The following MAGI1 variants were observed in gnomAD, a reference collection of about 807,000 sequenced individuals.
MAGI1 encodes the protein membrane associated guanylate kinase, WW and PDZ domain containing 1.
A neutral mutation model predicts 139.9 loss-of-function variants in MAGI1; 58 were observed. That is an observed-to-expected ratio of 0.41 (90% CI 0.34 to 0.52). MAGI1 has a LOEUF of 0.52. Among genes scored for constraint, MAGI1 ranks in the 20% least tolerant of loss-of-function variants. The pLI is 0.12. For synonymous variants in MAGI1, 812 were observed against 737.9 expected (o/e 1.10, Z -1.63); for missense variants, 1,874 against 1,901.6 (o/e 0.99, Z 0.27).
chr3:65,856,911 C>T (rs1164750670), intron 1 of MAGI1, among the ~76,000 whole-genome samples: 1 of 152,212 alleles, frequency 6.6e-6, no homozygotes, highest in Non-Finnish European at 1.5e-5. Flanking sequence ...CCCATGGATC[C>T]AGACTTCCTT....
At chr3:65,403,951 C>T (rs1303250686) in intron 12 of MAGI1, among the ~76,000 whole-genome samples, 1 of 152,236 alleles carries the variant, frequency 6.6e-6, no homozygotes, top group Admixed American at 6.5e-5. Flanking sequence ...AATGAGCTAT[C>T]TCTACAGGTA....
chr3:65,937,006 T>C (rs1275762686), intron 1 of MAGI1, among the ~76,000 whole-genome samples: 1 of 151,738 alleles, frequency 6.6e-6, no homozygotes, highest in African/African-American at 2.4e-5. Flanking sequence ...GTGGTGGTGG[T>C]TGTTTTAATC....
intron 1 of MAGI1, among the ~76,000 whole-genome samples, chr3:65,673,434 A>G (rs2086988504): frequency 6.6e-6 from 1 of 152,220 alleles, no homozygotes. Context: ...CTTAACTTGT[A>G]TGACCAAATA....
At chr3:65,778,883 C>T (rs2038702283) in intron 1 of MAGI1, among the ~76,000 whole-genome samples, 1 of 152,160 alleles carries the variant, frequency 6.6e-6, no homozygotes, top group Non-Finnish European at 1.5e-5. Context: ...CAGTTATACC[C>T]CCCAGGGGAC....
At chr3:65,704,068 G>C (rs541671008) in intron 1 of MAGI1, among the ~76,000 whole-genome samples, 1 of 152,136 alleles carries the variant, frequency 6.6e-6, no homozygotes, top group South Asian at 2.1e-4. Context: ...TAGCACAGGG[G>C]ATGAGAAGAG....
intron 1 of MAGI1, among the ~76,000 whole-genome samples, chr3:65,694,839 C>T (rs1184413511): frequency 6.6e-6 from 1 of 152,200 alleles, no homozygotes; most frequent in Non-Finnish European, 1.5e-5. Context: ...GCAATCACTA[C>T]TCACTACCTG....
intron 1 of MAGI1, among the ~76,000 whole-genome samples, chr3:65,649,022 A>G (rs7627311): frequency 1 from 151,884 of 152,296 alleles, 75,737 homozygotes; most frequent in East Asian, 1. Context: ...GACAAATGTT[A>G]ACTTAAACCT....
intron 11 of MAGI1, 40 bp from the exon 12 acceptor site, chr3:65,430,180 C>G (rs765082650): frequency 6.3e-7 from 1 of 1,597,898 alleles, no homozygotes; most frequent in Admixed American, 1.7e-5. Flanking sequence ...AAAACAGCAC[C>G]CAGAAAATTG....
chr3:65,401,616 T>C, intron 12 of MAGI1, 146 bp from the exon 13 acceptor site: 3 of 1,550,570 alleles, frequency 1.9e-6, no homozygotes, highest in Non-Finnish European at 2.6e-6. Context: ...GCATCGGAGT[T>C]ACCAGGCTGT....
At chr3:65,818,805 GCA>G (rs1194899001) in intron 1 of MAGI1, among the ~76,000 whole-genome samples, 3 of 152,270 alleles carry the variant, frequency 2.0e-5, no homozygotes, top group Non-Finnish European at 4.4e-5. Flanking sequence ...CAGCAGCCTT[GCA>G]CAGAGAAGAC....
intron 1 of MAGI1, among the ~76,000 whole-genome samples, chr3:65,748,201 C>G (rs1025553646): frequency 5.9e-5 from 9 of 152,092 alleles, no homozygotes; most frequent in African/African-American, 2.2e-4. Flanking sequence ...TATTTTATTC[C>G]TAAAGGAATT....
intron 1 of MAGI1, among the ~76,000 whole-genome samples, chr3:65,748,683 G>A (rs2035896455): frequency 6.6e-6 from 1 of 152,138 alleles, no homozygotes; most frequent in African/African-American, 2.4e-5. Flanking sequence ...TAAAAAACAG[G>A]CCACATTTAT....
intron 1 of MAGI1, among the ~76,000 whole-genome samples, chr3:65,838,447 T>G (rs930864830): frequency 6.6e-6 from 1 of 152,244 alleles, no homozygotes; most frequent in African/African-American, 2.4e-5. Context: ...CTCTATAATT[T>G]GATCATTTCA....
intron 1 of MAGI1, among the ~76,000 whole-genome samples, chr3:65,732,406 T>C (rs796355611): frequency 1.2e-4 from 19 of 152,320 alleles, no homozygotes; most frequent in African/African-American, 4.6e-4. Flanking sequence ...TGCCACACTT[T>C]CCAAGAGCTC....
intron 1 of MAGI1, among the ~76,000 whole-genome samples, chr3:65,938,358 T>C (rs1395735519): frequency 1.4e-5 from 2 of 148,124 alleles, no homozygotes; most frequent in Non-Finnish European, 1.5e-5. Flanking sequence ...CTAATATAAA[T>C]ATTATATTAA....
intron 8 of MAGI1, among the ~76,000 whole-genome samples, chr3:65,440,797 ATATATG>A (rs1262875423): frequency 2.0e-5 from 3 of 150,872 alleles, no homozygotes; most frequent in Non-Finnish European, 4.4e-5. Context: ...ATATACACAT[ATATATG>A]TATACATATG....
At chr3:65,821,130 A>G (rs1469964865) in intron 1 of MAGI1, among the ~76,000 whole-genome samples, 4 of 152,126 alleles carry the variant, frequency 2.6e-5, no homozygotes, top group Non-Finnish European at 4.4e-5. Context: ...CTCCCAATCT[A>G]CAGACTGAAT....
chr3:65,606,647 A>G (rs1177943463), intron 2 of MAGI1, among the ~76,000 whole-genome samples: 1 of 152,226 alleles, frequency 6.6e-6, no homozygotes, highest in East Asian at 1.9e-4. Context: ...CCTCCTGAGT[A>G]GCTGGAATTA....
intron 1 of MAGI1, among the ~76,000 whole-genome samples, chr3:65,730,745 G>A (rs1329878892): frequency 1.3e-5 from 2 of 152,146 alleles, no homozygotes; most frequent in African/African-American, 4.8e-5. Flanking sequence ...TCCTAGAATG[G>A]AAAGATCTAC....
Sources: allele counts gnomAD v4.1 joint callset (sites outside exome capture counted in the v4.1 genomes callset), GRCh38; gene constraint gnomAD v4.1.1; transcripts MANE v1.5; gene names NCBI Gene and HGNC (gene_info 2026-07-23, HGNC 2026-07-21).